Variants in ATL2 observed in about 807,000 individuals in gnomAD.
ATL2 encodes atlastin-2.
In ATL2, 31 loss-of-function variants were observed where a neutral mutation model predicts 73.9. The observed-to-expected ratio is 0.42, with a 90% CI of 0.32 to 0.57. The LOEUF is 0.57. Ranked by LOEUF, ATL2 falls within the 20% of genes least tolerant of loss-of-function variation. The probability of loss-of-function intolerance (pLI) is 0.14; values close to 1 mark genes in which losing one functional copy is unlikely to be tolerated. For synonymous variants in ATL2, 291 were observed against 237.5 expected (o/e 1.23, Z -2.07); for missense variants, 738 against 702.6 (o/e 1.05, Z -0.57).
chr2:38,305,393 C>A (rs957106625), intron 9 of ATL2, among the ~76,000 whole-genome samples: 2 of 151,856 alleles, frequency 1.3e-5, no homozygotes. Flanking sequence ...ACTAAAAATA[C>A]AAAAAATTAG....
rs980851925 is a variant in ATL2, at chr2:38,344,747, C to T, written c.119-1235G>A. 2.6e-5 allele frequency among the ~76,000 whole-genome samples: 4 copies of T among 152,216 alleles called. No individual in the cohort carries two copies. In the South Asian group the frequency reaches 8.3e-4, roughly 31 times the overall value. The stretch of plus-strand genomic sequence containing the variant: ...TAATAACAGTAACCTAGTACTACTA[C>T]AGCCTCCTCATTAAAGCAAAGCACA... On this transcript the variant is annotated intron_variant, in intron 1 of 12. Coordinates refer to ENST00000378954, the MANE Select transcript of ATL2 (RefSeq NM_001135673.4).
chr2:38,354,152 C>T (rs1276265088), intron 1 of ATL2: 3 of 426,716 alleles, frequency 7.0e-6, no homozygotes, highest in East Asian at 1.7e-4. Flanking sequence ...TGCCACTGCA[C>T]TCCAACCTGG....
At chr2:38,317,122 C>T (rs762431738) in intron 4 of ATL2, among the ~76,000 whole-genome samples, 18 of 151,896 alleles carry the variant, frequency 1.2e-4, no homozygotes, top group Non-Finnish European at 2.1e-4. Flanking sequence ...CTTAGAGAGA[C>T]GAGTCATATG....
At chr2:38,337,611 T>A (rs1558426134) in intron 2 of ATL2, among the ~76,000 whole-genome samples, 1 of 151,250 alleles carries the variant, frequency 6.6e-6, no homozygotes, top group African/African-American at 2.4e-5. Flanking sequence ...AAAAAGTCCT[T>A]ATTTTTAAGA....
At chr2:38,378,036 CCTT>C (rs995386368), upstream of ATL2, among the ~76,000 whole-genome samples, 6 of 152,324 alleles carry the variant, frequency 3.9e-5, no homozygotes, top group Middle Eastern at 3.4e-3. Flanking sequence ...TTGTGATGAA[CCTT>C]CTTCTGGGGA....
chr2:38,377,110 G>A, intron 1 of ATL2, 33 bp downstream of exon 1: 1 of 1,594,846 alleles, frequency 6.3e-7, no homozygotes, highest in East Asian at 2.3e-5. Context: ...CTCCCCATCA[G>A]GGCCCCGCGG....
At chr2:38,375,756 C>G (rs1484884539) in intron 1 of ATL2, among the ~76,000 whole-genome samples, 4 of 152,214 alleles carry the variant, frequency 2.6e-5, no homozygotes, top group Admixed American at 2.6e-4. Context: ...ATCCAACCAG[C>G]ACACATCTAA....
At chr2:38,333,044 G>A (rs1669092812) in intron 2 of ATL2, among the ~76,000 whole-genome samples, 1 of 151,918 alleles carries the variant, frequency 6.6e-6, no homozygotes, top group Non-Finnish European at 1.5e-5. Flanking sequence ...AAGAAAAAGA[G>A]AAAGAAAAGA....
intron 2 of ATL2, among the ~76,000 whole-genome samples, chr2:38,325,696 CAGTA>C (rs1453293885): frequency 9.9e-4 from 4 of 4,038 alleles, no homozygotes; most frequent in Non-Finnish European, 1.4e-3. Context: ...ACACACACAC[CAGTA>C]CACACACACA....
chr2:38,315,630 T>C (rs1435359780), intron 4 of ATL2, among the ~76,000 whole-genome samples: 2 of 152,204 alleles, frequency 1.3e-5, no homozygotes, highest in Non-Finnish European at 2.9e-5. Flanking sequence ...AGGTTTCTTG[T>C]ACTCCTTCTC....
chr2:38,364,775 T>G (rs958395391), intron 1 of ATL2, among the ~76,000 whole-genome samples: 2 of 152,368 alleles, frequency 1.3e-5, no homozygotes, highest in Middle Eastern at 3.4e-3. Flanking sequence ...CTAGGCACAG[T>G]GGCTTGCGCC....
chr2:38,354,625 C>T (rs1210175886), intron 1 of ATL2, among the ~76,000 whole-genome samples: 3 of 152,154 alleles, frequency 2.0e-5, no homozygotes, highest in African/African-American at 7.2e-5. Context: ...TGTGGTGGCT[C>T]ACGTCTGTAA....
At chr2:38,358,460 TG>T in intron 1 of ATL2, 1 of 174,026 alleles carries the variant, frequency 5.7e-6, no homozygotes, top group Non-Finnish European at 1.3e-5. Flanking sequence ...CCCAGCACTT[TG>T]GGAGGCCAAG....
intron 9 of ATL2, among the ~76,000 whole-genome samples, chr2:38,308,902 C>G (rs1377552776): frequency 2.0e-5 from 3 of 151,488 alleles, no homozygotes; most frequent in Non-Finnish European, 4.4e-5. Context: ...CGGTCTTGTT[C>G]TGGCAGGCAA....
At chr2:38,354,379 A>T (rs1670540057) in intron 1 of ATL2, among the ~76,000 whole-genome samples, 1 of 152,220 alleles carries the variant, frequency 6.6e-6, no homozygotes, top group African/African-American at 2.4e-5. Flanking sequence ...CTAAAAGATA[A>T]TTGATCAATG....
chr2:38,302,811 C>G (rs1184844067), intron 9 of ATL2, among the ~76,000 whole-genome samples: 1 of 152,174 alleles, frequency 6.6e-6, no homozygotes, highest in Admixed American at 6.5e-5. Context: ...TCACAACACC[C>G]AAGTCCCTTC....
At position 38,296,405 on chromosome 2, in the gene ATL2, G is replaced by A. The variant is rs570815757; in HGVS notation, c.1633-292C>T. The A allele has an allele frequency of 2.1e-5, 32 of 1,538,920 alleles. No individual in the cohort carries two copies. In the Admixed American group the frequency reaches 2.2e-4, roughly 10 times the overall value. On this transcript the variant is annotated intron_variant, in intron 12 of 12. Transcript: ENST00000378954. ...TATGTATACAGCATTTATGCAGACC[G>A]GCCCAGACGGTCCTGCTTATTGTCC...
chr2:38,343,367 G>A lies in ATL2; in HGVS notation c.264C>T (p.His88=). 6.2e-7 allele frequency: 1 copy of A among 1,611,618 alleles called. No homozygotes were observed. Among genetic ancestry groups the A allele is most frequent in the Non-Finnish European group, 8.5e-7 (1 of 1,179,584 alleles). ...CCACTACTATGTTAAGATCTCGTAT[G>A]TGCTCCTGTAGCAATATCTGCTCCA... ...EALEQILLQE[H]IRDLNIVVVS... The change falls in exon 2 of 13, where the codon CAC becomes CAT. Residue 88 remains histidine (H), a synonymous_variant. Transcript: ENST00000378954.
At chr2:38,374,080 G>T (rs537592605) in intron 1 of ATL2, among the ~76,000 whole-genome samples, 1 of 152,102 alleles carries the variant, frequency 6.6e-6, no homozygotes. Flanking sequence ...TAGTAGAGAG[G>T]GGGTTTCTCC....
Sources: allele counts gnomAD v4.1 joint callset (sites outside exome capture counted in the v4.1 genomes callset), GRCh38; gene constraint gnomAD v4.1.1; transcripts MANE v1.5; gene names NCBI Gene and HGNC (gene_info 2026-07-23, HGNC 2026-07-21).